LARGE1: variants seen among roughly 807,000 people sequenced by gnomAD.
LARGE1 encodes the protein LARGE xylosyl- and glucuronyltransferase 1.
A neutral mutation model predicts 87.6 loss-of-function variants in LARGE1; 43 were observed. That is an observed-to-expected ratio of 0.49 (90% CI 0.38 to 0.63). The LOEUF (loss-of-function observed/expected upper bound fraction) is 0.63, where lower values mean the gene tolerates loss of function less well. Among genes scored for constraint, LARGE1 ranks in the 30% least tolerant of loss-of-function variants. The probability of loss-of-function intolerance (pLI) is 0.00; values close to 1 mark genes in which losing one functional copy is unlikely to be tolerated. For missense variants in LARGE1, 802 were observed against 1,000.2 expected (o/e 0.80, Z 2.67); for synonymous variants, 434 against 394.6 (o/e 1.10, Z -1.18).
At chr22:33,097,050 G>A in the LARGE1 span, among the ~76,000 whole-genome samples, 2 of 152,220 alleles carry the variant, frequency 1.3e-5, no homozygotes, top group Admixed American at 6.5e-5. Flanking sequence ...CAAAAGGAAA[G>A]AGGGAGTGAG....
intron 2 of LARGE1, among the ~76,000 whole-genome samples, chr22:33,746,612 G>A (rs7291187): frequency 0.072 from 10,932 of 152,258 alleles, 1,375 homozygotes; most frequent in African/African-American, 0.25. Flanking sequence ...GAGTCCACAG[G>A]AAAGTTCTAA....
chr22:33,795,938 T>C (rs938929187), intron 1 of LARGE1, among the ~76,000 whole-genome samples: 3 of 151,424 alleles, frequency 2.0e-5, no homozygotes, highest in East Asian at 2.0e-4. Flanking sequence ...AAATGGCACA[T>C]GTATACATAT....
chr22:33,713,622 G>GT (rs1238347872), intron 2 of LARGE1, among the ~76,000 whole-genome samples: 2 of 151,788 alleles, frequency 1.3e-5, no homozygotes, highest in African/African-American at 4.8e-5. Context: ...ATCGATCCAT[G>GT]TATTTGTTTA....
intron 7 of LARGE1, among the ~76,000 whole-genome samples, chr22:33,398,719 T>C (rs548433947): frequency 2.6e-5 from 4 of 152,294 alleles, no homozygotes; most frequent in Admixed American, 2.0e-4. Context: ...CATGAGGTCA[T>C]AGTGGATTAG....
At chr22:33,741,697 C>T (rs1399880309) in intron 2 of LARGE1, among the ~76,000 whole-genome samples, 1 of 152,220 alleles carries the variant, frequency 6.6e-6, no homozygotes, top group Admixed American at 6.5e-5. Context: ...GTGAGGACCC[C>T]GTGAAAGCGA....
chr22:33,904,145 G>C (rs923964276), intron 1 of LARGE1, among the ~76,000 whole-genome samples: 1 of 152,052 alleles, frequency 6.6e-6, no homozygotes, highest in Non-Finnish European at 1.5e-5. Context: ...ACCAGCTCCG[G>C]GGATGTGGTG....
chr22:33,457,435 G>A (rs372383599), intron 6 of LARGE1, among the ~76,000 whole-genome samples: 6 of 151,100 alleles, frequency 4.0e-5, no homozygotes, highest in African/African-American at 1.5e-4. Context: ...GGGATTATAG[G>A]TGTAAGCCAC....
At chr22:33,733,600 T>C (rs1018776245) in intron 2 of LARGE1, 3 of 151,982 alleles carry the variant, frequency 2.0e-5, no homozygotes, top group East Asian at 2.0e-4. Context: ...TCTTTTGGAA[T>C]GAAGAAATCA....
At chr22:33,513,844 C>T (rs1267277446) in intron 6 of LARGE1, among the ~76,000 whole-genome samples, 1 of 151,472 alleles carries the variant, frequency 6.6e-6, no homozygotes, top group African/African-American at 2.4e-5. Flanking sequence ...CACACACACA[C>T]ACGAGTCATG....
chr22:33,175,972 C>T (rs957584387), intron 11 of LARGE1, among the ~76,000 whole-genome samples: 4 of 152,122 alleles, frequency 2.6e-5, no homozygotes, highest in Non-Finnish European at 5.9e-5. Context: ...ACCAATGGAA[C>T]AGAACAGAGG....
intron 11 of LARGE1, among the ~76,000 whole-genome samples, chr22:33,238,060 T>C (rs1044379635): frequency 6.6e-6 from 1 of 152,120 alleles, no homozygotes; most frequent in African/African-American, 2.4e-5. Context: ...TCAAATGCAG[T>C]TTGAGGCTCA....
At chr22:33,594,651 G>T (rs2078929905) in intron 5 of LARGE1, among the ~76,000 whole-genome samples, 1 of 152,180 alleles carries the variant, frequency 6.6e-6, no homozygotes, top group Non-Finnish European at 1.5e-5. Context: ...TTGTCGCCCA[G>T]CCTGGAGTGC....
intron 2 of LARGE1, among the ~76,000 whole-genome samples, chr22:33,683,985 G>T (rs1388113646): frequency 6.6e-6 from 1 of 152,186 alleles, no homozygotes; most frequent in Non-Finnish European, 1.5e-5. Context: ...CAGCAAGACA[G>T]CCCTCGCTGG....
At chr22:33,385,706 GA>G (rs1295616093) in intron 7 of LARGE1, among the ~76,000 whole-genome samples, 2 of 147,978 alleles carry the variant, frequency 1.4e-5, no homozygotes, top group East Asian at 3.9e-4. Context: ...CCTGAGCACG[GA>G]ACACAAAAAG....
At chr22:33,892,037 CGA>C (rs2065019370) in intron 1 of LARGE1, among the ~76,000 whole-genome samples, 1 of 152,140 alleles carries the variant, frequency 6.6e-6, no homozygotes, top group Non-Finnish European at 1.5e-5. Flanking sequence ...CTACCACGTA[CGA>C]GAGTTCACAA....
chr22:33,347,712 C>A (rs538038089), intron 9 of LARGE1, among the ~76,000 whole-genome samples: 1 of 152,314 alleles, frequency 6.6e-6, no homozygotes, highest in Non-Finnish European at 1.5e-5. Flanking sequence ...CAGCTCTGAG[C>A]TGCACTTAGT....
intron 6 of LARGE1, among the ~76,000 whole-genome samples, chr22:33,505,793 T>G (rs1245898121): frequency 6.6e-6 from 1 of 152,162 alleles, no homozygotes; most frequent in African/African-American, 2.4e-5. Context: ...ATTTCAGGAA[T>G]CATCTCTTGA....
chr22:33,097,195 G>A, the LARGE1 span, among the ~76,000 whole-genome samples: 1 of 152,202 alleles, frequency 6.6e-6, no homozygotes, highest in Non-Finnish European at 1.5e-5. Context: ...AGATGGTCAA[G>A]GATAAGCCTT....
At chr22:33,862,934 C>A (rs1369217335) in intron 1 of LARGE1, among the ~76,000 whole-genome samples, 5 of 152,116 alleles carry the variant, frequency 3.3e-5, no homozygotes, top group Non-Finnish European at 7.4e-5. Context: ...AAGGGCCTGG[C>A]CAATTTCTAG....
Sources: allele counts gnomAD v4.1 joint callset (sites outside exome capture counted in the v4.1 genomes callset), GRCh38; gene constraint gnomAD v4.1.1; transcripts MANE v1.5; gene names NCBI Gene and HGNC (gene_info 2026-07-23, HGNC 2026-07-21).